The following FGF14 variants were observed in gnomAD, a reference collection of about 807,000 sequenced individuals.
The protein encoded by FGF14 is fibroblast growth factor 14.
Under a neutral mutation model 25.5 loss-of-function variants are expected in FGF14, and 5 were observed. The observed-to-expected ratio is 0.20, with a 90% confidence interval of 0.10 to 0.41. FGF14 has a LOEUF of 0.41. Among genes scored for constraint, FGF14 ranks in the 10% least tolerant of loss-of-function variants. FGF14 has a pLI of 1.00. For missense variants in FGF14, 222 were observed against 320.1 expected (o/e 0.69, Z 2.34); for synonymous variants, 138 against 118.3 (o/e 1.17, Z -1.08).
Position 101,712,662 on chromosome 13 carries a change from T to C in FGF14, c.*10169A>G, listed in dbSNP as rs1174046362. On this transcript the variant is annotated 3_prime_UTR_variant, in exon 5 of 5. Transcript: ENST00000376143. ...ACTCATGGAAATAAAACACTAAGTA[T>C]GGTGCCTTTCGAGGAAACTTCTCTG... The C allele has an allele frequency of 6.6e-6, 1 of 152,208 alleles. No homozygotes were observed. The highest frequency in any genetic ancestry group is 1.5e-5 in the Non-Finnish European group (1 of 68,040). The allele number at this position is 152,208 out of a possible 1,614,324, so 9.4% of individuals were successfully genotyped here.
At position 101,943,998 on chromosome 13, in the gene FGF14, C is replaced by CAA. The variant is rs58695952; in HGVS notation, c.209-68704_209-68703dup. Among the ~76,000 whole-genome samples the CAA allele has an allele frequency of 1.9e-4, 16 of 85,316 alleles. 1 individual carries two copies. Among genetic ancestry groups the CAA allele is most frequent in the East Asian group, 1.2e-3 (3 of 2,606 alleles). 56.0% of individuals were successfully genotyped at this position (85,316 alleles called of 152,430 possible). On this transcript the variant is annotated intron_variant, in intron 1 of 4. Coordinates refer to the FGF14 transcript ENST00000376131. The stretch of plus-strand genomic sequence containing the variant: ...CCTGGGCAAGAGTGAAACTCCGTCT[C>CAA]AAAAAAAAAAAAAAAACAAAAAAAA...
chr13:101,966,466 C>G (rs1236744803), intron 1 of FGF14, among the ~76,000 whole-genome samples: 1 of 151,732 alleles, frequency 6.6e-6, no homozygotes, highest in Non-Finnish European at 1.5e-5. Flanking sequence ...GAGAATAAAT[C>G]TTGTGGTTTT....
intron 1 of FGF14, among the ~76,000 whole-genome samples, chr13:102,154,380 G>T (rs1004548109): frequency 6.6e-6 from 1 of 151,578 alleles, no homozygotes; most frequent in Non-Finnish European, 1.5e-5. Flanking sequence ...TTAAAGAAAA[G>T]AATTTTCAAC....
chr13:102,048,642 G>A (rs2042093898), intron 1 of FGF14, among the ~76,000 whole-genome samples: 1 of 152,098 alleles, frequency 6.6e-6, no homozygotes, highest in African/African-American at 2.4e-5. Context: ...TTACCTGCTG[G>A]GGATGATGAT....
At chr13:101,840,467 T>G (rs148332918) in intron 3 of FGF14, among the ~76,000 whole-genome samples, 404 of 151,732 alleles carry the variant, frequency 2.7e-3, no homozygotes, top group South Asian at 7.9e-3. Flanking sequence ...TCTTATTCAC[T>G]AATATAATTA....
chr13:102,264,795 A>G (rs2052904778), intron 1 of FGF14, among the ~76,000 whole-genome samples: 1 of 152,154 alleles, frequency 6.6e-6, no homozygotes, highest in Non-Finnish European at 1.5e-5. Context: ...CAGCTGGTAC[A>G]CAGTGACTGT....
intron 1 of FGF14, among the ~76,000 whole-genome samples, chr13:102,048,689 T>C (rs1170986702): frequency 6.6e-6 from 1 of 152,178 alleles, no homozygotes; most frequent in Non-Finnish European, 1.5e-5. Context: ...CCCATGCTAT[T>C]TGAAATAACT....
chr13:101,909,948 T>C lies in FGF14; in HGVS notation c.193+6505A>G, dbSNP rs192839869. 3.5e-3 allele frequency among the ~76,000 whole-genome samples: 530 copies of C among 152,214 alleles called. 1 individual carries two copies. The highest frequency in any genetic ancestry group is 0.011 in the African/African-American group (455 of 41,520). ...TGAGTTAATGTCCTTTGTAGGGACA[T>C]GGATGAAGCTGGAAACCATCATTCT... On this transcript the variant is annotated intron_variant, in intron 1 of 4. Coordinates refer to ENST00000376143, the MANE Select transcript of FGF14 (RefSeq NM_004115.4).
intron 3 of FGF14, among the ~76,000 whole-genome samples, chr13:101,777,528 T>G (rs1271815533): frequency 3.3e-5 from 5 of 152,142 alleles, no homozygotes; most frequent in Non-Finnish European, 7.3e-5. Context: ...GTCCTTCCAT[T>G]GTGTCTCTAA....
chr13:101,958,178 C>CT (rs1242444714), intron 1 of FGF14, among the ~76,000 whole-genome samples: 1 of 152,174 alleles, frequency 6.6e-6, no homozygotes, highest in African/African-American at 2.4e-5. Flanking sequence ...GAGAGCTTCT[C>CT]TAAAGCATGT....
chr13:101,830,829 G>T (rs941801262), intron 3 of FGF14, among the ~76,000 whole-genome samples: 1 of 152,022 alleles, frequency 6.6e-6, no homozygotes, highest in African/African-American at 2.4e-5. Flanking sequence ...TCTAGGGAGA[G>T]AATCTACCTT....
chr13:102,196,168 G>T (rs1374897727), intron 1 of FGF14, among the ~76,000 whole-genome samples: 1 of 152,204 alleles, frequency 6.6e-6, no homozygotes, highest in East Asian at 1.9e-4. Context: ...CTATTATGAT[G>T]ATAATTTACA....
intron 1 of FGF14, among the ~76,000 whole-genome samples, chr13:101,992,211 T>C (rs950471336): frequency 2.6e-5 from 4 of 152,106 alleles, no homozygotes; most frequent in African/African-American, 9.7e-5. Flanking sequence ...CAGATGCTAT[T>C]TTAAAAGTCT....
chr13:102,096,732 C>A (rs1340270038), intron 1 of FGF14, among the ~76,000 whole-genome samples: 1 of 152,050 alleles, frequency 6.6e-6, no homozygotes, highest in Non-Finnish European at 1.5e-5. Context: ...ATTAAACATG[C>A]CTGGGATATC....
At chr13:101,954,467 A>G (rs1002321215) in intron 1 of FGF14, among the ~76,000 whole-genome samples, 4 of 152,224 alleles carry the variant, frequency 2.6e-5, no homozygotes, top group African/African-American at 4.8e-5. Context: ...AAGCAAGGCC[A>G]TGTTAGGATT....
At chr13:102,328,652 T>C (rs1482689432) in intron 1 of FGF14, among the ~76,000 whole-genome samples, 2 of 152,236 alleles carry the variant, frequency 1.3e-5, no homozygotes, top group Non-Finnish European at 2.9e-5. Context: ...TATCGTGTGA[T>C]ACACGAAGGA....
intron 1 of FGF14, among the ~76,000 whole-genome samples, chr13:102,308,469 T>G (rs767911146): frequency 6.6e-6 from 1 of 152,124 alleles, no homozygotes; most frequent in African/African-American, 2.4e-5. Context: ...AGTAACACAT[T>G]TGGGTAACAC....
chr13:101,947,704 A>C (rs746254312), intron 1 of FGF14, among the ~76,000 whole-genome samples: 1 of 152,232 alleles, frequency 6.6e-6, no homozygotes, highest in Non-Finnish European at 1.5e-5. Context: ...GGGAGGGATC[A>C]TGGATTGAAA....
chr13:102,106,005 T>C (rs1265471991), intron 1 of FGF14, among the ~76,000 whole-genome samples: 1 of 152,198 alleles, frequency 6.6e-6, no homozygotes, highest in African/African-American at 2.4e-5. Flanking sequence ...AAATATATCA[T>C]TGATTACAGG....
Sources: gnomAD v4.1 joint callset for allele counts (sites outside exome capture counted in the v4.1 genomes callset) on GRCh38, gnomAD v4.1.1 for gene constraint, MANE v1.5 for transcripts, NCBI Gene and HGNC (gene_info 2026-07-23, HGNC 2026-07-21) for gene names.